The following PLB1 variants were observed in gnomAD, a reference collection of about 807,000 sequenced individuals.
PLB1 encodes phospholipase B1, membrane-associated.
Under a neutral mutation model 227.4 loss-of-function variants are expected in PLB1, and 242 were observed. That is an observed-to-expected ratio of 1.06 (90% CI 0.96 to 1.18). PLB1 has a LOEUF of 1.18. Ranked by LOEUF, PLB1 falls within the 50% of genes most tolerant of loss-of-function variation. The probability of loss-of-function intolerance (pLI) is 0.00; values close to 1 mark genes in which losing one functional copy is unlikely to be tolerated. For missense variants in PLB1, 1,858 were observed against 1,816.3 expected (o/e 1.02, Z -0.42); for synonymous variants, 757 against 682.2 (o/e 1.11, Z -1.71).
At chr2:28,608,875 G>C (rs1325143976) in intron 43 of PLB1, among the ~76,000 whole-genome samples, 2 of 151,946 alleles carry the variant, frequency 1.3e-5, no homozygotes, top group Admixed American at 6.6e-5. Context: ...TGAAAATGTA[G>C]ATATTCTCCA....
At chr2:28,610,457 A>G (rs1685282316) in intron 43 of PLB1, among the ~76,000 whole-genome samples, 1 of 152,112 alleles carries the variant, frequency 6.6e-6, no homozygotes, top group South Asian at 2.1e-4. Flanking sequence ...GGCCGGAACT[A>G]GCACTTTTTG....
At chr2:28,641,031 G>A in intron 57 of PLB1, 30 bp downstream of exon 57, 1 of 1,600,966 alleles carries the variant, frequency 6.2e-7, no homozygotes. Context: ...GCCCCAGGTG[G>A]AACAGATGCC....
rs1383623841 is a variant in PLB1, at chr2:28,629,142, C to G, written c.3775C>G (p.Leu1259Val). 5.6e-6 allele frequency: 9 copies of G among 1,613,858 alleles called. No individual in the cohort carries two copies. The highest frequency in any genetic ancestry group is 5.1e-6 in the Non-Finnish European group (6 of 1,179,958). Residue 1259 changes from leucine (L) to valine (V), a missense_variant, in exon 53 of 58, where the codon CTG becomes GTG. By Grantham distance (32) the Leu-to-Val change is conservative (BLOSUM62 1). Coordinates refer to ENST00000327757, the MANE Select transcript of PLB1 (RefSeq NM_153021.5). The part of the protein sequence containing the change: ...NVVEVMELAS[L>V]YQGQGGKCAM... ...GGTGGAGGTCATGGAGCTGGCTAGC[C>G]TGTACCAGGGCCAAGGCGGGAAATG...
intron 33 of PLB1, among the ~76,000 whole-genome samples, chr2:28,597,379 A>G (rs527428563): frequency 6.6e-6 from 1 of 152,276 alleles, no homozygotes; most frequent in South Asian, 2.1e-4. Context: ...AGATTTTGGT[A>G]AAATAGAAAT....
chr2:28,573,334 A>G, intron 21 of PLB1, 29 bp downstream of exon 21: 1 of 1,530,790 alleles, frequency 6.5e-7, no homozygotes, highest in Non-Finnish European at 9.0e-7. Flanking sequence ...GGCGGTGAAC[A>G]GCACAGGTCC....
At position 28,503,333 on chromosome 2, in the gene PLB1, T is replaced by A. The variant is rs113257234; in HGVS notation, c.55+7164T>A. Among the ~76,000 whole-genome samples the A allele has an allele frequency of 5.5e-3, 834 of 150,540 alleles. 4 individuals carry two copies. Among genetic ancestry groups the A allele is most frequent in the African/African-American group, 0.02 (796 of 40,290 alleles). ...ACACCTGTTAATTAAAAAAAAAAAA[T>A]TTGTAGGGAGGGAGTCTCACTATCT... On this transcript the variant is annotated intron_variant, in intron 1 of 57. Transcript: ENST00000327757.
chr2:28,590,756 G>A (rs977421486), intron 29 of PLB1, among the ~76,000 whole-genome samples: 2 of 152,116 alleles, frequency 1.3e-5, no homozygotes, highest in African/African-American at 4.8e-5. Context: ...ACTGCAGGGT[G>A]GGGTAGGCAT....
At chr2:28,626,586 T>A in intron 51 of PLB1, 78 bp downstream of exon 51, 1 of 1,322,488 alleles carries the variant, frequency 7.6e-7, no homozygotes, top group Non-Finnish European at 1.1e-6. Context: ...CATCCATCCC[T>A]GGCCCTGCCC....
At chr2:28,543,314 G>T (rs763490625) in intron 14 of PLB1, 46 bp downstream of exon 14, 12 of 1,585,136 alleles carry the variant, frequency 7.6e-6, no homozygotes, top group Admixed American at 5.3e-5. Flanking sequence ...GAGGGGCAAG[G>T]TCTCCACCAC....
chr2:28,640,103 T>C (rs1689802750), intron 56 of PLB1, among the ~76,000 whole-genome samples: 1 of 152,220 alleles, frequency 6.6e-6, no homozygotes, highest in African/African-American at 2.4e-5. Flanking sequence ...GGTGTGGTCA[T>C]GAGCTCAGAT....
intron 1 of PLB1, among the ~76,000 whole-genome samples, chr2:28,498,906 A>G (rs768936689): frequency 9.9e-5 from 15 of 152,124 alleles, no homozygotes; most frequent in Non-Finnish European, 1.8e-4. Context: ...TTTGATAGAG[A>G]TTGCTTTGAA....
In PLB1 at chr2:28,640,907, T is replaced by G. The variant is rs1022252777; in HGVS notation, c.4099-20T>G. 4 of 1,606,942 alleles carry G rather than the reference T, an allele frequency of 2.5e-6. No individual in the cohort carries two copies. Among genetic ancestry groups the G allele is most frequent in the Admixed American group, 1.7e-5 (1 of 59,632 alleles). ...CTCCCAGCTTTGGAGAGAATCGAGG[T>G]GTCCTTTCTCTCTCTCCAGCTGGAA... On this transcript the variant is annotated intron_variant, in intron 56 of 57. Transcript: ENST00000327757.
chr2:28,632,702 G>C (rs1452735147), intron 55 of PLB1, among the ~76,000 whole-genome samples: 2 of 152,092 alleles, frequency 1.3e-5, no homozygotes, highest in African/African-American at 4.8e-5. Flanking sequence ...GTTGCAGTGA[G>C]CTGAGATTAT....
chr2:28,625,227 A>G, intron 50 of PLB1, 119 bp downstream of exon 50: 2 of 939,092 alleles, frequency 2.1e-6, no homozygotes, highest in African/African-American at 3.4e-5. Flanking sequence ...TAGCCAAAAG[A>G]TCCTCGGAGA....
rs778384244 is a variant in PLB1 at position 28,593,696 on chromosome 2, G to C, written c.2263G>C (p.Gly755Arg). Residue 755 changes from glycine (G) to arginine (R), a missense_variant, in exon 33 of 58, where the codon GGC (glycine) becomes CGC (arginine). By Grantham distance (125) the Gly-to-Arg change is moderately radical. Transcript: ENST00000327757. ...ATTTTCAAAGGCTGGCAATGGAATTGGCTCCAAACCAGACGACCTCCCCGA... is the reference window on the plus strand; with the variant it reads ...ATTTTCAAAGGCTGGCAATGGAATTCGCTCCAAACCAGACGACCTCCCCGA... ...GDSLTAGNGI[G>R]SKPDDLPDVT... The C allele has an allele frequency of 1.6e-5, 26 of 1,613,982 alleles. No homozygotes were observed. The highest frequency in any genetic ancestry group is 3.3e-4 in the Middle Eastern group (2 of 6,084).
chr2:28,601,000 CAG>C (rs916354956), intron 36 of PLB1, 140 bp downstream of exon 36: 56 of 821,910 alleles, frequency 6.8e-5, no homozygotes, highest in Non-Finnish European at 9.4e-5. Flanking sequence ...AGCCCCCTGA[CAG>C]AGGTCCTGTG....
intron 26 of PLB1, among the ~76,000 whole-genome samples, chr2:28,588,268 G>C (rs1204641878): frequency 1.3e-4 from 20 of 152,158 alleles, no homozygotes. Flanking sequence ...AGTAGCGTTG[G>C]AAGGGACTTA....
intron 44 of PLB1, among the ~76,000 whole-genome samples, chr2:28,616,304 A>G (rs1686194423): frequency 6.6e-6 from 1 of 152,248 alleles, no homozygotes; most frequent in Non-Finnish European, 1.5e-5. Context: ...ATCACTGCAC[A>G]TTGTAGAGAT....
intron 39 of PLB1, 82 bp downstream of exon 39, chr2:28,603,003 T>A: frequency 8.2e-7 from 1 of 1,222,544 alleles, no homozygotes; most frequent in Non-Finnish European, 1.2e-6. Context: ...TGCCTCAGGG[T>A]CTTTGTGACT....
Sources: gnomAD v4.1 joint callset for allele counts (sites outside exome capture counted in the v4.1 genomes callset) on GRCh38, gnomAD v4.1.1 for gene constraint, MANE v1.5 for transcripts, NCBI Gene and HGNC (gene_info 2026-07-23, HGNC 2026-07-21) for gene names.